The following TAFA5 variants were observed in gnomAD, a reference collection of about 807,000 sequenced individuals.
The protein encoded by TAFA5 is chemokine-like protein TAFA-5.
TAFA5 carries 6 observed loss-of-function variants against 15.3 expected under a neutral mutation model. The ratio of observed to expected loss-of-function variants is 0.39; its 90% confidence interval spans 0.21 to 0.77. TAFA5 has a LOEUF of 0.77. Ranked by LOEUF, TAFA5 falls within the 30% of genes least tolerant of loss-of-function variation. The pLI is 0.41. For synonymous variants in TAFA5, 103 were observed against 80.7 expected (o/e 1.28, Z -1.48); for missense variants, 161 against 193.1 (o/e 0.83, Z 0.98).
At chr22:48,540,555 G>A (rs977952296) in intron 1 of TAFA5, among the ~76,000 whole-genome samples, 7 of 151,700 alleles carry the variant, frequency 4.6e-5, no homozygotes, top group African/African-American at 1.2e-4. Flanking sequence ...GTCCCACCTC[G>A]AGGTAAGAAA....
intron 1 of TAFA5, among the ~76,000 whole-genome samples, chr22:48,628,885 A>T (rs1402826942): frequency 6.6e-6 from 1 of 152,184 alleles, no homozygotes; most frequent in Admixed American, 6.5e-5. Flanking sequence ...CAAGTTAATT[A>T]GGAGATGGCA....
At chr22:48,647,618 A>C (rs528234144) in intron 2 of TAFA5, among the ~76,000 whole-genome samples, 5 of 152,268 alleles carry the variant, frequency 3.3e-5, no homozygotes, top group African/African-American at 1.2e-4. Flanking sequence ...ACAGGTGGGC[A>C]TGTAGGCCCG....
chr22:48,558,799 G>C (rs9615920), intron 1 of TAFA5, among the ~76,000 whole-genome samples: 3,346 of 152,346 alleles, frequency 0.022, 107 homozygotes, highest in East Asian at 0.032. Context: ...CACGAGGTCA[G>C]GAGGATACCC....
At chr22:48,583,824 AC>A (rs566060183) in intron 1 of TAFA5, among the ~76,000 whole-genome samples, 108 of 150,734 alleles carry the variant, frequency 7.2e-4, no homozygotes, top group African/African-American at 2.6e-3. Flanking sequence ...TACAAAATAC[AC>A]TACATATATA....
chr22:48,509,199 C>T (rs4823793), intron 1 of TAFA5, among the ~76,000 whole-genome samples: 39,159 of 152,056 alleles, frequency 0.26, 5,057 homozygotes, highest in Non-Finnish European at 0.29. Flanking sequence ...TTTTCTCTAT[C>T]CAGGCGCCTG....
chr22:48,593,019 G>A (rs956767043), intron 1 of TAFA5, among the ~76,000 whole-genome samples: 7 of 152,182 alleles, frequency 4.6e-5, no homozygotes, highest in Non-Finnish European at 8.8e-5. Context: ...AGTGGGGCGG[G>A]GGGGTCTGTA....
At chr22:48,539,628 G>A (rs1922289696) in intron 1 of TAFA5, among the ~76,000 whole-genome samples, 1 of 152,202 alleles carries the variant, frequency 6.6e-6, no homozygotes, top group Non-Finnish European at 1.5e-5. Flanking sequence ...CTGAGCTACA[G>A]CCAGGTCGGT....
At chr22:48,677,641 G>C (rs1004850639) in intron 2 of TAFA5, among the ~76,000 whole-genome samples, 1 of 152,074 alleles carries the variant, frequency 6.6e-6, no homozygotes, top group Non-Finnish European at 1.5e-5. Context: ...TCTCCTCCCC[G>C]AGGCCTCCCA....
chr22:48,613,671 T>G (rs942304590), intron 1 of TAFA5, among the ~76,000 whole-genome samples: 1 of 152,206 alleles, frequency 6.6e-6, no homozygotes, highest in Non-Finnish European at 1.5e-5. Flanking sequence ...CAGTCCGCAG[T>G]GTGATCTTGG....
chr22:48,622,631 C>T (rs992461627), intron 1 of TAFA5, among the ~76,000 whole-genome samples: 1 of 152,208 alleles, frequency 6.6e-6, no homozygotes, highest in South Asian at 2.1e-4. Flanking sequence ...ACCAAAGTTA[C>T]ACCATGGAGG....
chr22:48,581,252 C>T (rs149471934), intron 1 of TAFA5, among the ~76,000 whole-genome samples: 5,155 of 152,274 alleles, frequency 0.034, 278 homozygotes, highest in African/African-American at 0.12. Flanking sequence ...CCTTGCTGGG[C>T]ACAGGAGTCC....
chr22:48,714,277 C>A (rs1362638625), intron 3 of TAFA5, among the ~76,000 whole-genome samples: 1 of 152,224 alleles, frequency 6.6e-6, no homozygotes, highest in African/African-American at 2.4e-5. Context: ...TGGCCTCCTG[C>A]TTTGAGTGCA....
chr22:48,625,861 C>T (rs567857620), intron 1 of TAFA5, among the ~76,000 whole-genome samples: 2 of 152,326 alleles, frequency 1.3e-5, no homozygotes, highest in South Asian at 2.1e-4. Context: ...CCTCTTTCCC[C>T]GCCAGAAACC....
intron 2 of TAFA5, among the ~76,000 whole-genome samples, chr22:48,664,158 G>T (rs1176631189): frequency 2.0e-5 from 3 of 152,184 alleles, no homozygotes; most frequent in African/African-American, 7.2e-5. Flanking sequence ...TGGAATACAT[G>T]AACAGAAATG....
intron 3 of TAFA5, among the ~76,000 whole-genome samples, chr22:48,743,333 C>A (rs61164717): frequency 6.6e-6 from 1 of 152,126 alleles, no homozygotes; most frequent in Non-Finnish European, 1.5e-5. Context: ...GCGTGGCTCC[C>A]GCCTCTGTCT....
intron 2 of TAFA5, among the ~76,000 whole-genome samples, chr22:48,692,589 A>C (rs1389152898): frequency 2.0e-5 from 3 of 152,200 alleles, no homozygotes; most frequent in Non-Finnish European, 4.4e-5. Flanking sequence ...AAGAGGATTC[A>C]GTCATAGCCT....
chr22:48,584,054 C>T lies in TAFA5; in HGVS notation c.113-62543C>T, dbSNP rs145865740. ...CACCACACACAAAATACACCACATA[C>T]ACCACACATACCAGACACCACACAC... On this transcript the variant is annotated intron_variant, in intron 1 of 3. Coordinates refer to ENST00000402357, the MANE Select transcript of TAFA5 (RefSeq NM_001082967.3). Among the ~76,000 whole-genome samples, 323 of 148,416 alleles carry T rather than the reference C, an allele frequency of 2.2e-3. 1 individual carries two copies. Among genetic ancestry groups the T allele is most frequent in the Middle Eastern group, 7.4e-3 (2 of 272 alleles).
At chr22:48,595,891 T>C (rs1448140733) in intron 1 of TAFA5, among the ~76,000 whole-genome samples, 1 of 152,254 alleles carries the variant, frequency 6.6e-6, no homozygotes, top group East Asian at 1.9e-4. Flanking sequence ...TGCAAAACAA[T>C]CTGTAAGTAT....
intron 3 of TAFA5, among the ~76,000 whole-genome samples, chr22:48,738,410 C>A (rs1930091237): frequency 6.6e-6 from 1 of 152,182 alleles, no homozygotes; most frequent in Non-Finnish European, 1.5e-5. Context: ...AGTCAGCACT[C>A]CTCCCGGGCA....
Sources: gnomAD v4.1 joint callset for allele counts (sites outside exome capture counted in the v4.1 genomes callset) on GRCh38, gnomAD v4.1.1 for gene constraint, MANE v1.5 for transcripts, NCBI Gene and HGNC (gene_info 2026-07-23, HGNC 2026-07-21) for gene names.